FCHSD1: variants seen among roughly 807,000 people sequenced by gnomAD.
FCHSD1 encodes the protein F-BAR and double SH3 domains protein 1.
In FCHSD1, 109 loss-of-function variants were observed where a neutral mutation model predicts 101.3. That is an observed-to-expected ratio of 1.08 (90% CI 0.92 to 1.26). The LOEUF is 1.26. FCHSD1 is among the 50% of genes most tolerant of loss of function. FCHSD1 has a pLI of 0.00. For missense variants in FCHSD1, 820 were observed against 895.8 expected, an observed-to-expected ratio of 0.92 and a Z score of 1.08; for synonymous variants, 291 against 356.8, an observed-to-expected ratio of 0.82 and a Z score of 2.08.
chr5:141,646,734 A>C lies in FCHSD1; in HGVS notation c.925-12T>G. 6.2e-7 allele frequency: 1 copy of C among 1,610,966 alleles called. No homozygotes were observed. Among genetic ancestry groups the C allele is most frequent in the African/African-American group, 1.3e-5 (1 of 74,978 alleles). ...TCCAGGACACACACCTGAATGGGTC[A>C]GGGGGTGCTGTGAGGAGGACCTGAG... On this transcript the variant is annotated splice_polypyrimidine_tract_variant and intron_variant, in intron 10 of 19. Transcript: ENST00000435817.
Position 141,645,162 on chromosome 5 carries a change from G to T in FCHSD1, c.1312-14C>A, listed in dbSNP as rs781549146. ...AGCATCCTCAGCCTAGAGGGGCAAA[G>T]AACAGACCTCATATGGGGCCCACTC... On this transcript the variant is annotated splice_polypyrimidine_tract_variant and intron_variant, in intron 13 of 19. Transcript: ENST00000435817. 6.5e-7 allele frequency: 1 copy of T among 1,527,136 alleles called. No individual in the cohort carries two copies. Among genetic ancestry groups the T allele is most frequent in the Non-Finnish European group, 8.8e-7 (1 of 1,138,300 alleles). 94.6% of individuals were successfully genotyped at this position (1,527,136 alleles called of 1,614,324 possible).
chr5:141,639,384 G>A lies in FCHSD1; in HGVS notation c.*2114C>T. 9.0e-6 allele frequency: 11 copies of A among 1,225,084 alleles called. No homozygotes were observed. The highest frequency in any genetic ancestry group is 1.3e-5 in the Non-Finnish European group (11 of 873,152). 75.9% of individuals were successfully genotyped at this position (1,225,084 alleles called of 1,614,324 possible). A position where few individuals can be genotyped will look rare whatever the true frequency, so the allele number is the denominator to read the frequency against. On this transcript the variant is annotated 3_prime_UTR_variant, in exon 20 of 20. Coordinates refer to ENST00000435817, the MANE Select transcript of FCHSD1 (RefSeq NM_033449.3). This position sits in a 1 kb window ranked among gnomAD's most constrained non-coding sequence, Gnocchi z 4.4. The stretch of plus-strand genomic sequence containing the variant: ...ATTGGGGCTTCTGGGGTTTTAAGGA[G>A]CATGCTGAAAGAACGTAAGAAACAA...
At chr5:141,650,697 G>A (rs1370783998) in intron 2 of FCHSD1, among the ~76,000 whole-genome samples, 8 of 152,192 alleles carry the variant, frequency 5.3e-5, no homozygotes, top group Admixed American at 1.3e-4. Flanking sequence ...TGGGTACGAT[G>A]TCTGCCAGCC....
In FCHSD1 at chr5:141,639,360, T is replaced by C; in HGVS notation, c.*2138A>G. 1.1e-6 allele frequency: 1 copy of C among 907,480 alleles called. No homozygotes were observed. Among genetic ancestry groups the C allele is most frequent in the Non-Finnish European group, 1.7e-6 (1 of 603,620 alleles). 56.2% of individuals were successfully genotyped at this position (907,480 alleles called of 1,614,324 possible). On this transcript the variant is annotated 3_prime_UTR_variant, in exon 20 of 20. Transcript: ENST00000435817. This position sits in a 1 kb window ranked among gnomAD's most constrained non-coding sequence, Gnocchi z 4.4. ...CAAGAAAAAATGGGGCTTGGGGAAA[T>C]TGGGGCTTCTGGGGTTTTAAGGAGC...
Position 141,645,751 on chromosome 5 carries a change from G to A in FCHSD1, c.1311+20C>T. ...TTTCCCTTCTAAGTAAGGATGGGTAGTGTTGGGGGAGGAGCTCACGGTTGG... is the reference window on the plus strand; with the variant it reads ...TTTCCCTTCTAAGTAAGGATGGGTAATGTTGGGGGAGGAGCTCACGGTTGG... On this transcript the variant is annotated intron_variant, in intron 13 of 19. Transcript: ENST00000435817. 6.2e-7 allele frequency: 1 copy of A among 1,605,432 alleles called. No individual in the cohort carries two copies. Among genetic ancestry groups the A allele is most frequent in the Non-Finnish European group, 8.5e-7 (1 of 1,174,928 alleles).
At position 141,639,913 on chromosome 5, in the gene FCHSD1, CT is replaced by C. The variant is rs1562380305; in HGVS notation, c.*1584del. The C allele has an allele frequency of 6.2e-6, 10 of 1,613,766 alleles. No individual in the cohort carries two copies. The highest frequency in any genetic ancestry group is 8.5e-6 in the Non-Finnish European group (10 of 1,179,976). ...GTCCTAAACCCCAGTGTTCCCTCCCCTCCCAGGTTCCGGGTGACACACATTG... is the reference window on the plus strand; with the variant it reads ...GTCCTAAACCCCAGTGTTCCCTCCCCCCCAGGTTCCGGGTGACACACATTG... On this transcript the variant is annotated 3_prime_UTR_variant, in exon 20 of 20. Transcript: ENST00000435817. The surrounding 1 kb of genome is among the most constrained non-coding windows in gnomAD (Gnocchi z 4.4).
chr5:141,641,835 A>G (rs2099906937), intron 18 of FCHSD1, 78 bp from the exon 19 acceptor site: 1 of 1,406,572 alleles, frequency 7.1e-7, no homozygotes, highest in Non-Finnish European at 1.0e-6. Flanking sequence ...GGACAGTGGC[A>G]TTCTATAAAT....
chr5:141,650,373 G>A lies in FCHSD1; in HGVS notation c.151C>T (p.Arg51Trp), dbSNP rs756834829. The A allele has an allele frequency of 1.9e-6, 3 of 1,613,754 alleles. No homozygotes were observed. Among genetic ancestry groups the A allele is most frequent in the South Asian group, 1.1e-5 (1 of 91,080 alleles). Residue 51 changes from arginine to tryptophan, a missense_variant, in exon 3 of 20, where the codon CGG becomes TGG. Transcript: ENST00000435817. ...AAGTCCCATACCTGCCCATACTCCC[G>A]TTCAATGGCTGCCCTCTGCTTGCTG... ...SYSKQRAAIE[R>W]EYGQALQKLA...
chr5:141,650,728 G>A (rs556343041), intron 2 of FCHSD1, among the ~76,000 whole-genome samples: 6 of 152,118 alleles, frequency 3.9e-5, no homozygotes, highest in Admixed American at 2.0e-4. Context: ...TCTGGAAGAG[G>A]GAGAGGGATT....
rs763581454 is a variant in FCHSD1, at chr5:141,640,431, C to T, written c.*1067G>A. The T allele has an allele frequency of 1.9e-6, 3 of 1,614,042 alleles. No individual in the cohort carries two copies. Among genetic ancestry groups the T allele is most frequent in the Non-Finnish European group, 2.5e-6 (3 of 1,180,006 alleles). On this transcript the variant is annotated 3_prime_UTR_variant, in exon 20 of 20. Coordinates refer to ENST00000435817, the MANE Select transcript of FCHSD1 (RefSeq NM_033449.3). Reference sequence around the variant, plus strand: ...TCTCAGGTGTCTCTACCACAGGGAGCAGGGAGTATGTGAGGTGAGTCTGCC... The same window carrying T: ...TCTCAGGTGTCTCTACCACAGGGAGTAGGGAGTATGTGAGGTGAGTCTGCC...
rs2099906781 is a variant in FCHSD1 at position 141,640,811 on chromosome 5, C to A, written c.*687G>T. On this transcript the variant is annotated 3_prime_UTR_variant, in exon 20 of 20. Transcript: ENST00000435817. ...CCACCTGGAGTTGCACAGTCTCAGGCTGGGGGCCTCAGGAGAGGTCACAGC... is the reference window on the plus strand; with the variant it reads ...CCACCTGGAGTTGCACAGTCTCAGGATGGGGGCCTCAGGAGAGGTCACAGC... 2.5e-6 allele frequency: 2 copies of A among 800,802 alleles called. No individual in the cohort carries two copies. The highest frequency in any genetic ancestry group is 3.9e-6 in the Non-Finnish European group (2 of 517,664). The allele number at this position is 800,802 out of a possible 1,614,324, so 49.6% of individuals were successfully genotyped here. A position where few individuals can be genotyped will look rare whatever the true frequency, so the allele number is the denominator to read the frequency against.
chr5:141,644,343 G>C lies in FCHSD1; in HGVS notation c.1738C>G (p.Gln580Glu). 1 of 1,613,994 alleles carries C rather than the reference G, an allele frequency of 6.2e-7. No homozygotes were observed. Among genetic ancestry groups the C allele is most frequent in the Non-Finnish European group, 8.5e-7 (1 of 1,179,880 alleles). Residue 580 changes from glutamine (Q) to glutamate (E), a missense_variant, in exon 17 of 20, where the codon CAA becomes GAA. Gln to Glu is a conservative substitution (Grantham distance 29, BLOSUM62 2). Coordinates refer to ENST00000435817, the MANE Select transcript of FCHSD1 (RefSeq NM_033449.3). The part of the protein sequence containing the change: ...GALIRLLPRA[Q>E]DGVDDGFWRG... ...CAGAAGCCGTCATCTACTCCATCTT[G>C]GGCCCGGGGCAGCAGACGGATGAGT...
rs1596464410 is a variant in FCHSD1 at position 141,646,853 on chromosome 5, G to A, written c.925-131C>T. The A allele has an allele frequency of 2.5e-5, 34 of 1,346,120 alleles. No homozygotes were observed. The South Asian group carries it at 3.6e-4, about 14-fold the overall frequency. The allele number at this position is 1,346,120 out of a possible 1,614,324, so 83.4% of individuals were successfully genotyped here. A position where few individuals can be genotyped will look rare whatever the true frequency, so the allele number is the denominator to read the frequency against. On this transcript the variant is annotated intron_variant, in intron 10 of 19. Coordinates refer to ENST00000435817, the MANE Select transcript of FCHSD1 (RefSeq NM_033449.3). Reference sequence around the variant, plus strand: ...AAAGGGGCACATGCCTACAGTCATGGACACAGGTAATGTGGACACAGAGAT... The same window carrying A: ...AAAGGGGCACATGCCTACAGTCATGAACACAGGTAATGTGGACACAGAGAT...
chr5:141,651,136 G>C lies in FCHSD1; in HGVS notation c.22-19C>G. 1 of 1,568,724 alleles carries C rather than the reference G, an allele frequency of 6.4e-7. No homozygotes were observed. The highest frequency in any genetic ancestry group is 8.7e-7 in the Non-Finnish European group (1 of 1,155,582). Reference sequence around the variant, plus strand: ...GCTTCACCTGTGGGGGCAAAGAGAGGATGAAGACCCCAGCGCAAGGACCTA... The same window carrying C: ...GCTTCACCTGTGGGGGCAAAGAGAGCATGAAGACCCCAGCGCAAGGACCTA... On this transcript the variant is annotated intron_variant, in intron 1 of 19. Coordinates refer to ENST00000435817, the MANE Select transcript of FCHSD1 (RefSeq NM_033449.3).
At position 141,644,906 on chromosome 5, in the gene FCHSD1, C is replaced by T. The variant is rs749309379; in HGVS notation, c.1477G>A (p.Glu493Lys). 1.9e-6 allele frequency: 3 copies of T among 1,613,808 alleles called. No individual in the cohort carries two copies. Among genetic ancestry groups the T allele is most frequent in the Admixed American group, 1.7e-5 (1 of 59,992 alleles). ...CCCTCCTCTATGACCTCCAGCCACT[C>T]ACCCTCCGTGATTGTCAGCTCATCC... The part of the protein sequence containing the change: ...REDELTITEG[E>K]WLEVIEEGDA... Residue 493 changes from glutamate to lysine, a missense_variant, in exon 15 of 20, where the codon GAG becomes AAG. By Grantham distance (56) the Glu-to-Lys change is moderately conservative. Transcript: ENST00000435817.
At chr5:141,647,099 T>C (rs1186586501) in intron 10 of FCHSD1, 36 bp downstream of exon 10, 7 of 1,546,634 alleles carry the variant, frequency 4.5e-6, no homozygotes, top group Middle Eastern at 1.7e-4. Flanking sequence ...ATCGCCTTTA[T>C]ATGTGGCCTG....
At position 141,644,252 on chromosome 5, in the gene FCHSD1, G is replaced by A. The variant is rs1259875719; in HGVS notation, c.1829C>T (p.Pro610Leu). Residue 610 changes from proline (P) to leucine (L), a missense_variant, in exon 17 of 20, where the codon CCC becomes CTC. By Grantham distance (98) the Pro-to-Leu change is moderately conservative. Coordinates refer to ENST00000435817, the MANE Select transcript of FCHSD1 (RefSeq NM_033449.3). The part of the protein sequence containing the change: ...PSLLVEELLG[P>L]PGPPELSDPE... ...GTCAGAGAGTTCAGGTGGCCCTGGGGGGCCAAGCAGCTCTTCCACCAGCAG... is the reference window on the plus strand; with the variant it reads ...GTCAGAGAGTTCAGGTGGCCCTGGGAGGCCAAGCAGCTCTTCCACCAGCAG... 1.9e-6 allele frequency: 3 copies of A among 1,613,078 alleles called. No individual in the cohort carries two copies. Among genetic ancestry groups the A allele is most frequent in the Non-Finnish European group, 2.5e-6 (3 of 1,179,488 alleles).
Position 141,644,383 on chromosome 5 carries a change from G to A in FCHSD1, c.1698C>T (p.Ser566=), listed in dbSNP as rs980967615. 1 of 1,613,944 alleles carries A rather than the reference G, an allele frequency of 6.2e-7. No homozygotes were observed. Among genetic ancestry groups the A allele is most frequent in the Non-Finnish European group, 8.5e-7 (1 of 1,179,860 alleles). The change falls in exon 17 of 20, where the codon AGC becomes AGT. Residue 566 remains serine (S), a synonymous_variant. Transcript: ENST00000435817. ...GACGGATGAGTGCCCCCTCAGGGAA[G>A]CTCAGCTCCTCTGCACTCTGTCCGG... ...SYTGQSAEEL[S]FPEGALIRLL... is the part of the protein sequence containing the mutation.
chr5:141,647,361 G>T, intron 9 of FCHSD1, 37 bp downstream of exon 9: 1 of 1,574,384 alleles, frequency 6.4e-7, no homozygotes, highest in Non-Finnish European at 8.6e-7. Flanking sequence ...GGGTAAAAAG[G>T]ATCCCCGGGG....
Sources: gnomAD v4.1 joint callset for allele counts (sites outside exome capture counted in the v4.1 genomes callset) on GRCh38, gnomAD v4.1.1 for gene constraint, Gnocchi (gnomAD v3.1) non-coding constraint, MANE v1.5 for transcripts, NCBI Gene and HGNC (gene_info 2026-07-23, HGNC 2026-07-21) for gene names.